Variants in PDZRN3 observed in about 807,000 individuals in gnomAD.
PDZRN3 encodes the protein E3 ubiquitin-protein ligase PDZRN3.
A neutral mutation model predicts 85.7 loss-of-function variants in PDZRN3; 38 were observed. The observed-to-expected ratio is 0.44, with a 90% CI of 0.34 to 0.58. PDZRN3 has a LOEUF of 0.58. PDZRN3 is among the 20% of genes least tolerant of loss of function. PDZRN3 has a pLI of 0.01. For missense variants in PDZRN3, 1,629 were observed against 1,506.4 expected, an observed-to-expected ratio of 1.08 and a Z score of -1.35; for synonymous variants, 759 against 638.0, an observed-to-expected ratio of 1.19 and a Z score of -2.86.
rs1055392158 is a variant in PDZRN3, at chr3:73,478,277, C to T, written c.919-73882G>A. Among the ~76,000 whole-genome samples, 24 of 152,122 alleles carry T rather than the reference C, an allele frequency of 1.6e-4. 2 individuals carry two copies. The highest frequency in any genetic ancestry group is 2.9e-5 in the Non-Finnish European group (2 of 68,040). On this transcript the variant is annotated intron_variant, in intron 3 of 9. Coordinates refer to ENST00000263666, the MANE Select transcript of PDZRN3 (RefSeq NM_015009.3). ...AGTGAAGCTTCATCTATATTTACAG[C>T]TGCTCCCCATCACTTGCATCACCAC...
intron 3 of PDZRN3, among the ~76,000 whole-genome samples, chr3:73,582,640 C>T (rs1192773419): frequency 2.6e-5 from 4 of 152,106 alleles, no homozygotes; most frequent in Non-Finnish European, 5.9e-5. Flanking sequence ...GGCATGGGAT[C>T]TGGCTGGACA....
At chr3:73,521,544 A>G (rs1327620590) in intron 3 of PDZRN3, among the ~76,000 whole-genome samples, 1 of 152,138 alleles carries the variant, frequency 6.6e-6, no homozygotes. Flanking sequence ...GCTACAAGAT[A>G]CTGAGGGGGA....
intron 3 of PDZRN3, among the ~76,000 whole-genome samples, chr3:73,506,895 CAAAA>C (rs11354960): frequency 7.6e-6 from 1 of 131,458 alleles, no homozygotes. Context: ...GACCATGTCT[CAAAA>C]AAAAAAAAAA....
intron 3 of PDZRN3, among the ~76,000 whole-genome samples, chr3:73,432,146 C>T (rs190082013): frequency 2.6e-5 from 4 of 152,212 alleles, no homozygotes; most frequent in East Asian, 1.9e-4. Flanking sequence ...CAAATGGCAG[C>T]GTCTGCTGTT....
intron 3 of PDZRN3, among the ~76,000 whole-genome samples, chr3:73,541,810 G>A (rs772734721): frequency 3.3e-5 from 5 of 152,268 alleles, no homozygotes; most frequent in Non-Finnish European, 7.3e-5. Context: ...TCAATGTATT[G>A]CACAGGTCAC....
chr3:73,432,329 GC>G (rs1378156380), intron 3 of PDZRN3, among the ~76,000 whole-genome samples: 1 of 152,218 alleles, frequency 6.6e-6, no homozygotes, highest in Admixed American at 6.5e-5. Context: ...TCTCCCAAAT[GC>G]TTTGAAAAGG....
In PDZRN3 at chr3:73,624,911, C is replaced by G; in HGVS notation, c.-86G>C. On this transcript the variant is annotated 5_prime_UTR_variant, in exon 1 of 10. Transcript: ENST00000263666. Reference sequence around the variant, plus strand: ...GGCGGCCCAGACAGGCCGGCTACGCCGCCCGCGCGCTCGCTGGCTCTCCCC... The same window carrying G: ...GGCGGCCCAGACAGGCCGGCTACGCGGCCCGCGCGCTCGCTGGCTCTCCCC... The G allele has an allele frequency of 9.4e-7, 1 of 1,065,000 alleles. No homozygotes were observed. Among genetic ancestry groups the G allele is most frequent in the Non-Finnish European group, 1.2e-6 (1 of 834,104 alleles). 66.0% of individuals were successfully genotyped at this position (1,065,000 alleles called of 1,614,324 possible). A position where few individuals can be genotyped will look rare whatever the true frequency, so the allele number is the denominator to read the frequency against.
chr3:73,519,238 A>G (rs1334374522), intron 3 of PDZRN3, among the ~76,000 whole-genome samples: 3 of 152,018 alleles, frequency 2.0e-5, no homozygotes, highest in East Asian at 1.9e-4. Flanking sequence ...ACTGAGCAAA[A>G]TCTATACACG....
intron 3 of PDZRN3, among the ~76,000 whole-genome samples, chr3:73,573,840 C>T (rs1173382484): frequency 2.5e-5 from 2 of 79,770 alleles, no homozygotes; most frequent in Non-Finnish European, 5.4e-5. Flanking sequence ...TATACATATA[C>T]ATATACATAT....
At chr3:73,467,433 G>C (rs529948195) in intron 3 of PDZRN3, among the ~76,000 whole-genome samples, 1 of 152,256 alleles carries the variant, frequency 6.6e-6, no homozygotes, top group African/African-American at 2.4e-5. Flanking sequence ...CAGTGTTCCT[G>C]TTCATTTCTT....
At chr3:73,468,980 A>T (rs1703279034) in intron 3 of PDZRN3, among the ~76,000 whole-genome samples, 1 of 152,136 alleles carries the variant, frequency 6.6e-6, no homozygotes, top group South Asian at 2.1e-4. Context: ...TTCAAGTAAT[A>T]TTGGCTCCTA....
chr3:73,579,219 C>T (rs977919263), intron 3 of PDZRN3, among the ~76,000 whole-genome samples: 1 of 152,124 alleles, frequency 6.6e-6, no homozygotes, highest in African/African-American at 2.4e-5. Flanking sequence ...AAGAAGGTAC[C>T]ATCTTTGATG....
In PDZRN3 at chr3:73,408,840, G is replaced by A. The variant is rs866626383; in HGVS notation, c.919-4445C>T. On this transcript the variant is annotated intron_variant, in intron 3 of 9. Transcript: ENST00000263666. Reference sequence around the variant, plus strand: ...CGAGATGATGACTCCGGTGCACGCCGTCAGCCAACCGAGAATGACAACTTT... The same window carrying A: ...CGAGATGATGACTCCGGTGCACGCCATCAGCCAACCGAGAATGACAACTTT... Among the ~76,000 whole-genome samples the A allele has an allele frequency of 1.4e-4, 21 of 152,066 alleles. No individual in the cohort carries two copies. In the East Asian group the frequency reaches 1.9e-3, roughly 14 times the overall value.
intron 3 of PDZRN3, among the ~76,000 whole-genome samples, chr3:73,533,787 T>C (rs1056624512): frequency 8.5e-5 from 13 of 152,196 alleles, no homozygotes; most frequent in Non-Finnish European, 1.6e-4. Context: ...TGTTCCACTC[T>C]GCATTTTGTG....
intron 3 of PDZRN3, among the ~76,000 whole-genome samples, chr3:73,539,681 G>A (rs1704869251): frequency 6.6e-6 from 1 of 152,190 alleles, no homozygotes; most frequent in African/African-American, 2.4e-5. Flanking sequence ...GAGCAAGTCC[G>A]CATGAGACCA....
intron 5 of PDZRN3, among the ~76,000 whole-genome samples, chr3:73,397,215 C>T (rs1244847448): frequency 6.6e-6 from 1 of 151,918 alleles, no homozygotes; most frequent in Non-Finnish European, 1.5e-5. Flanking sequence ...ATCTGTTTTT[C>T]TCTGTGCATT....
At chr3:73,454,905 T>A (rs1702948030) in intron 3 of PDZRN3, among the ~76,000 whole-genome samples, 1 of 151,898 alleles carries the variant, frequency 6.6e-6, no homozygotes, top group African/African-American at 2.4e-5. Flanking sequence ...TTTTTTTTTT[T>A]AATTGCGATC....
At chr3:73,492,600 G>A (rs1703792164) in intron 3 of PDZRN3, among the ~76,000 whole-genome samples, 1 of 152,200 alleles carries the variant, frequency 6.6e-6, no homozygotes, top group Admixed American at 6.5e-5. Context: ...AGGGTGAAAA[G>A]ATAAGGCACA....
intron 3 of PDZRN3, among the ~76,000 whole-genome samples, chr3:73,598,676 C>T (rs1462239863): frequency 1.3e-5 from 2 of 152,204 alleles, no homozygotes; most frequent in African/African-American, 4.8e-5. Context: ...GCCCCAGATT[C>T]CCAGCCACAG....
Sources: gnomAD v4.1 joint callset for allele counts (sites outside exome capture counted in the v4.1 genomes callset) on GRCh38, gnomAD v4.1.1 for gene constraint, MANE v1.5 for transcripts, NCBI Gene and HGNC (gene_info 2026-07-23, HGNC 2026-07-21) for gene names.